Variants in TRPM3 observed in about 807,000 individuals in gnomAD.
The protein encoded by TRPM3 is long transient receptor potential channel 3.
A neutral mutation model predicts 181.2 loss-of-function variants in TRPM3; 77 were observed. The observed-to-expected ratio is 0.42, with a 90% confidence interval of 0.35 to 0.51. The LOEUF (loss-of-function observed/expected upper bound fraction) is 0.51, where lower values mean the gene tolerates loss of function less well. TRPM3 is among the 20% of genes least tolerant of loss of function. The probability of loss-of-function intolerance (pLI) is 0.01; values close to 1 mark genes in which losing one functional copy is unlikely to be tolerated. For synonymous variants in TRPM3, 745 were observed against 796.4 expected (o/e 0.94, Z 1.09); for missense variants, 1,759 against 2,196.7 (o/e 0.80, Z 3.98).
At chr9:71,220,277 T>G (rs1469752734) in intron 1 of TRPM3, among the ~76,000 whole-genome samples, 1 of 152,100 alleles carries the variant, frequency 6.6e-6, no homozygotes, top group Non-Finnish European at 1.5e-5. Flanking sequence ...GGCATTAGAA[T>G]AGTTAGTAGA....
At chr9:71,230,314 TG>T (rs2080968615) in intron 1 of TRPM3, among the ~76,000 whole-genome samples, 1 of 151,740 alleles carries the variant, frequency 6.6e-6, no homozygotes, top group African/African-American at 2.4e-5. Context: ...TACCAGAGTC[TG>T]GGAAAAGTAG....
intron 1 of TRPM3, among the ~76,000 whole-genome samples, chr9:70,898,727 A>C (rs1448574150): frequency 6.9e-6 from 1 of 144,834 alleles, no homozygotes; most frequent in Non-Finnish European, 1.5e-5. Flanking sequence ...CAGTTTGGGC[A>C]AAAGAGTGAG....
intron 5 of TRPM3, among the ~76,000 whole-genome samples, chr9:70,831,962 AATATATAT>A (rs71367232): frequency 0.066 from 4,215 of 64,146 alleles, 242 homozygotes; most frequent in East Asian, 0.17. Context: ...GTACCCCATA[AATATATAT>A]ATATATATAT....
chr9:70,991,158 C>A (rs192728603), intron 1 of TRPM3, among the ~76,000 whole-genome samples: 1 of 152,262 alleles, frequency 6.6e-6, no homozygotes, highest in East Asian at 1.9e-4. Context: ...CTTCATATTG[C>A]CTAGAGAAGG....
intron 1 of TRPM3, among the ~76,000 whole-genome samples, chr9:71,311,552 T>C (rs877690): frequency 0.12 from 18,613 of 152,108 alleles, 1,523 homozygotes; most frequent in African/African-American, 0.23. Context: ...AACAACTGGA[T>C]GTCCACATGC....
At chr9:71,302,648 T>C (rs1195036849) in intron 1 of TRPM3, among the ~76,000 whole-genome samples, 1 of 152,152 alleles carries the variant, frequency 6.6e-6, no homozygotes, top group Non-Finnish European at 1.5e-5. Context: ...ACAATACTTG[T>C]AAGAGCCAGA....
At chr9:70,799,477 C>T (rs1157911343) in intron 6 of TRPM3, among the ~76,000 whole-genome samples, 1 of 152,158 alleles carries the variant, frequency 6.6e-6, no homozygotes, top group Non-Finnish European at 1.5e-5. Flanking sequence ...TGACTAAATC[C>T]TCAGTGAGAA....
intron 1 of TRPM3, among the ~76,000 whole-genome samples, chr9:71,232,158 TAAGA>T (rs2081090700): frequency 6.6e-6 from 1 of 152,100 alleles, no homozygotes; most frequent in Non-Finnish European, 1.5e-5. Flanking sequence ...GGGCAGGTTC[TAAGA>T]AAGAAAAGGA....
intron 9 of TRPM3, among the ~76,000 whole-genome samples, chr9:70,645,823 A>G (rs1239488029): frequency 6.6e-6 from 1 of 152,198 alleles, no homozygotes; most frequent in Non-Finnish European, 1.5e-5. Context: ...AATTTTTGCA[A>G]TCTGTGCATC....
At chr9:70,690,182 A>G (rs2068098762) in intron 8 of TRPM3, among the ~76,000 whole-genome samples, 1 of 152,190 alleles carries the variant, frequency 6.6e-6, no homozygotes, top group African/African-American at 2.4e-5. Flanking sequence ...ACACTCTACA[A>G]TCATTTCATG....
chr9:70,998,287 C>T (rs899034016), intron 1 of TRPM3, among the ~76,000 whole-genome samples: 1 of 147,740 alleles, frequency 6.8e-6, no homozygotes, highest in Non-Finnish European at 1.5e-5. Context: ...ATTTTTCTTA[C>T]CTGACATAAC....
chr9:70,772,397 A>G (rs561661749), intron 7 of TRPM3, among the ~76,000 whole-genome samples: 41 of 151,328 alleles, frequency 2.7e-4, no homozygotes, highest in Non-Finnish European at 4.4e-4. Context: ...AGCTCATTGC[A>G]GCATCAACCT....
intron 6 of TRPM3, among the ~76,000 whole-genome samples, chr9:70,812,399 C>G (rs933971431): frequency 1.3e-5 from 2 of 152,200 alleles, no homozygotes; most frequent in African/African-American, 4.8e-5. Flanking sequence ...TAAGAATGTA[C>G]TCACTGGGGA....
intron 5 of TRPM3, among the ~76,000 whole-genome samples, chr9:70,835,591 C>T (rs1245347445): frequency 1.3e-5 from 2 of 152,078 alleles, no homozygotes; most frequent in Middle Eastern, 6.8e-3. Context: ...AATACCATCC[C>T]TTCTCCATGT....
intron 8 of TRPM3, among the ~76,000 whole-genome samples, chr9:70,686,091 A>G (rs557168587): frequency 6.6e-6 from 1 of 151,298 alleles, no homozygotes; most frequent in African/African-American, 2.4e-5. Context: ...ATGTATTAAT[A>G]TATGTAATAT....
At chr9:71,210,094 C>A (rs1287282033) in intron 1 of TRPM3, among the ~76,000 whole-genome samples, 1 of 152,224 alleles carries the variant, frequency 6.6e-6, no homozygotes, top group African/African-American at 2.4e-5. Context: ...CCCGTATTTA[C>A]AGCCACTCCC....
At chr9:71,223,933 C>G (rs181731100) in intron 1 of TRPM3, among the ~76,000 whole-genome samples, 2 of 152,252 alleles carry the variant, frequency 1.3e-5, no homozygotes, top group African/African-American at 4.8e-5. Flanking sequence ...TGCACAGCCT[C>G]TCTGGACCTG....
At chr9:70,864,575 T>C in intron 1 of TRPM3, 64 bp from the exon 2 acceptor site, 2 of 1,210,208 alleles carry the variant, frequency 1.7e-6, no homozygotes, top group Non-Finnish European at 2.2e-6. Context: ...TACCGTGAAA[T>C]ATTTTTAACT....
chr9:70,923,013 A>G (rs2096673655), intron 1 of TRPM3, among the ~76,000 whole-genome samples: 1 of 152,194 alleles, frequency 6.6e-6, no homozygotes, highest in South Asian at 2.1e-4. Context: ...CCACCAAGAG[A>G]AAAAGCCATT....
Sources: allele counts gnomAD v4.1 joint callset (sites outside exome capture counted in the v4.1 genomes callset), GRCh38; gene constraint gnomAD v4.1.1; transcripts MANE v1.5; gene names NCBI Gene and HGNC (gene_info 2026-07-23, HGNC 2026-07-21).